BEND4: variants seen among roughly 807,000 people sequenced by gnomAD.
BEND4 encodes BEN domain containing 4.
In BEND4, 27 loss-of-function variants were observed where a neutral mutation model predicts 54.7. That is an observed-to-expected ratio of 0.49 (90% confidence interval 0.36 to 0.68). The LOEUF is 0.68. Ranked by LOEUF, BEND4 falls within the 30% of genes least tolerant of loss-of-function variation. BEND4 has a pLI of 0.00. For synonymous variants in BEND4, 327 were observed against 299.5 expected, an observed-to-expected ratio of 1.09 and a Z score of -0.95; for missense variants, 702 against 697.2, an observed-to-expected ratio of 1.01 and a Z score of -0.08.
chr4:42,147,242 G>A (rs77750321), intron 2 of BEND4, among the ~76,000 whole-genome samples: 4,247 of 152,144 alleles, frequency 0.028, 125 homozygotes, highest in African/African-American at 0.075. Flanking sequence ...ATGGAAGATT[G>A]TGATGAAAAA....
chr4:42,118,464 C>T (rs557125805), intron 5 of BEND4, among the ~76,000 whole-genome samples: 5 of 152,282 alleles, frequency 3.3e-5, no homozygotes, highest in African/African-American at 1.2e-4. Context: ...GAGGTCCACG[C>T]ATTGTGGCCC....
intron 3 of BEND4, among the ~76,000 whole-genome samples, chr4:42,138,616 T>G (rs1338589837): frequency 6.6e-6 from 1 of 152,226 alleles, no homozygotes; most frequent in Non-Finnish European, 1.5e-5. Context: ...TGTGTAACTA[T>G]GTGAGATGAT....
At chr4:42,143,381 A>G in intron 3 of BEND4, 47 bp downstream of exon 3, 1 of 1,421,014 alleles carries the variant, frequency 7.0e-7, no homozygotes, top group Non-Finnish European at 9.7e-7. Context: ...GAGACAAGTG[A>G]AAGAAAGAAG....
Position 42,124,606 on chromosome 4 carries a change from A to T in BEND4, c.1146+977T>A, listed in dbSNP as rs546220017. 2.6e-5 allele frequency among the ~76,000 whole-genome samples: 4 copies of T among 152,314 alleles called. No homozygotes were observed. The East Asian group carries it at 7.7e-4, about 29-fold the overall frequency. On this transcript the variant is annotated intron_variant, in intron 4 of 5. Coordinates refer to ENST00000502486, the MANE Select transcript of BEND4 (RefSeq NM_207406.4). ...GGGTCACTGGACCAGACAACTGGAG[A>T]GTCACCAGGGGCCTCTTGCAGAAAA... is the stretch of plus-strand genomic sequence containing the variant.
At position 42,117,614 on chromosome 4, in the gene BEND4, G is replaced by GA; in HGVS notation, c.1508dup (p.Leu504ProfsTer9). 6.2e-7 allele frequency: 1 copy of GA among 1,613,232 alleles called. No individual in the cohort carries two copies. The highest frequency in any genetic ancestry group is 8.5e-7 in the Non-Finnish European group (1 of 1,179,616). On this transcript the variant is annotated frameshift_variant, in exon 6 of 6. Transcript: ENST00000502486. LOFTEE classifies it high-confidence loss of function. ...CATAAAATGAGCCACCGTTGTGCAG[G>GA]AAAGTCCCCACCGCCCGCCCCTGTC...
intron 2 of BEND4, among the ~76,000 whole-genome samples, chr4:42,145,365 G>A (rs1247562100): frequency 6.6e-6 from 1 of 152,078 alleles, no homozygotes; most frequent in African/African-American, 2.4e-5. Context: ...GAGGAGAGGG[G>A]TCCAAGTGCT....
intron 2 of BEND4, among the ~76,000 whole-genome samples, chr4:42,145,945 A>C (rs949517241): frequency 2.6e-5 from 4 of 152,234 alleles, no homozygotes; most frequent in Non-Finnish European, 4.4e-5. Flanking sequence ...CTTAGTTTAT[A>C]GCATTTTCAG....
At chr4:42,123,713 A>AC (rs1560576084) in intron 4 of BEND4, among the ~76,000 whole-genome samples, 1 of 150,302 alleles carries the variant, frequency 6.7e-6, no homozygotes, top group Non-Finnish European at 1.5e-5. Context: ...AAAAAAAAAA[A>AC]AAAACAACTT....
At chr4:42,148,212 G>T (rs1215550619) in intron 2 of BEND4, among the ~76,000 whole-genome samples, 1 of 152,134 alleles carries the variant, frequency 6.6e-6, no homozygotes, top group Non-Finnish European at 1.5e-5. Context: ...ATCTTTGGAA[G>T]CACCACCCTT....
intron 3 of BEND4, among the ~76,000 whole-genome samples, chr4:42,132,889 C>T (rs1031885552): frequency 1.3e-5 from 2 of 152,054 alleles, no homozygotes; most frequent in African/African-American, 4.8e-5. Flanking sequence ...CATGAGGAAC[C>T]AAAAATGAAA....
At chr4:42,141,704 G>A (rs1488261840) in intron 3 of BEND4, among the ~76,000 whole-genome samples, 3 of 152,136 alleles carry the variant, frequency 2.0e-5, no homozygotes, top group Non-Finnish European at 4.4e-5. Context: ...CGGCACCACT[G>A]CACACCAGCC....
At position 42,125,674 on chromosome 4, in the gene BEND4, A is replaced by C; in HGVS notation, c.1055T>G (p.Val352Gly). 1 of 1,596,924 alleles carries C rather than the reference A, an allele frequency of 6.3e-7. No individual in the cohort carries two copies. The highest frequency in any genetic ancestry group is 8.5e-7 in the Non-Finnish European group (1 of 1,171,492). ...GTAATCTAAAACGGTCTGGCAGGGCACTGGGTGGAAGAAATGGCAACAATT... is the reference window on the plus strand; with the variant it reads ...GTAATCTAAAACGGTCTGGCAGGGCCCTGGGTGGAAGAAATGGCAACAATT... ...ELRRKLESIP[V>G]PCQTVLDYLK... Residue 352 changes from valine (V) to glycine (G), a missense_variant and splice_region_variant, in exon 4 of 6, where the codon GTG (valine) becomes GGG (glycine). Transcript: ENST00000502486.
intron 4 of BEND4, among the ~76,000 whole-genome samples, chr4:42,124,939 G>A (rs1034168711): frequency 2.6e-5 from 4 of 152,154 alleles, no homozygotes; most frequent in African/African-American, 7.2e-5. Context: ...GAGAATCCAA[G>A]GAAGGCTTCT....
intron 2 of BEND4, 196 bp downstream of exon 2, chr4:42,151,461 G>A (rs1338401360): frequency 1.8e-5 from 8 of 455,386 alleles, no homozygotes; most frequent in Admixed American, 4.6e-5. Flanking sequence ...GGCGCGCGCC[G>A]TCGGAAGCCC....
At chr4:42,119,853 AAG>A (rs1719990849) in intron 5 of BEND4, 199 bp downstream of exon 5, 2 of 602,462 alleles carry the variant, frequency 3.3e-6, no homozygotes, top group Admixed American at 2.7e-5. Flanking sequence ...ATGTACCACT[AAG>A]AGAGAACAAC....
Position 42,133,597 on chromosome 4 carries a change from G to A in BEND4, c.1055-7923C>T, listed in dbSNP as rs903917716. Among the ~76,000 whole-genome samples the A allele has an allele frequency of 9.2e-5, 14 of 152,326 alleles. No homozygotes were observed. The South Asian group carries it at 2.1e-3, about 23-fold the overall frequency. ...GGGCGAGGCGCCGTGGCTCATGCCCGTAATCCCAGCACTTTGGGATGCTGA... is the reference window on the plus strand; with the variant it reads ...GGGCGAGGCGCCGTGGCTCATGCCCATAATCCCAGCACTTTGGGATGCTGA... On this transcript the variant is annotated intron_variant, in intron 3 of 5. Transcript: ENST00000502486.
chr4:42,120,321 A>AC, intron 4 of BEND4, 27 bp from the exon 5 acceptor site: 1 of 1,585,296 alleles, frequency 6.3e-7, no homozygotes, highest in Non-Finnish European at 8.6e-7. Flanking sequence ...TTTTCTCATT[A>AC]CCCACCGAGC....
intron 1 of BEND4, 75 bp from the exon 2 acceptor site, chr4:42,152,451 C>G (rs941374401): frequency 1.2e-5 from 2 of 167,154 alleles, no homozygotes; most frequent in Non-Finnish European, 2.6e-5. Flanking sequence ...GGGGCGGGGC[C>G]TGGCGCCGCA....
Position 42,151,927 on chromosome 4 carries a change from T to G in BEND4, c.217A>C (p.Ser73Arg). 1 of 1,255,130 alleles carries G rather than the reference T, an allele frequency of 8.0e-7. No homozygotes were observed. The highest frequency in any genetic ancestry group is 1.6e-5 in the African/African-American group (1 of 63,890). 77.7% of individuals were successfully genotyped at this position (1,255,130 alleles called of 1,614,324 possible). Reference protein sequence around the residue: ...APHAAVSISSSEPPPQQFQAQ... With the variant: ...APHAAVSISSREPPPQQFQAQ... ...TGGAACTGCTGCGGCGGCGGCTCGC[T>G]GCTGCTGATGGAGACGGCGGCGTGC... Residue 73 changes from serine to arginine, a missense_variant, in exon 2 of 6, where the codon AGC (serine) becomes CGC (arginine). Physicochemically the swap from Ser to Arg is moderately radical, Grantham distance 110. Coordinates refer to ENST00000502486, the MANE Select transcript of BEND4 (RefSeq NM_207406.4).
Sources: gnomAD v4.1 joint callset for allele counts (sites outside exome capture counted in the v4.1 genomes callset) on GRCh38, gnomAD v4.1.1 for gene constraint, MANE v1.5 for transcripts, NCBI Gene and HGNC (gene_info 2026-07-23, HGNC 2026-07-21) for gene names.